The following LRP1B variants were observed in gnomAD, a reference collection of about 807,000 sequenced individuals.
LRP1B encodes the protein LDL receptor related protein 1B.
LRP1B carries 217 observed loss-of-function variants against 556.6 expected under a neutral mutation model. The observed-to-expected ratio is 0.39, with a 90% CI of 0.35 to 0.44. The LOEUF is 0.44. Among genes scored for constraint, LRP1B ranks in the 20% least tolerant of loss-of-function variants. The pLI, the probability that LRP1B is intolerant of heterozygous loss-of-function variation, is 1.00. For missense variants in LRP1B, 5,053 were observed against 5,620.8 expected (o/e 0.90, Z 3.23); for synonymous variants, 2,047 against 1,865.8 (o/e 1.10, Z -2.50).
chr2:141,070,735 A>T (rs1050835993), intron 7 of LRP1B, among the ~76,000 whole-genome samples: 11 of 152,150 alleles, frequency 7.2e-5, no homozygotes, highest in African/African-American at 2.7e-4. Flanking sequence ...ACCTCTACGC[A>T]AATAAACTAG....
Position 140,668,309 on chromosome 2 carries a change from CAAAAAAAAAAAAAAAAAAAAAAAAAAAA to C in LRP1B, c.6799+31913_6799+31940del, listed in dbSNP as rs560180473. On this transcript the variant is annotated intron_variant, in intron 41 of 90. Transcript: ENST00000389484. ...TGGGTGACAGAGCGAGACTCCGTCT[CAAAAAAAAAAAAAAAAAAAAAAAAAAAA>C]AAAAAAAAAAGAATATTTAGGGTCA... Among the ~76,000 whole-genome samples, 2 of 59,648 alleles carry C rather than the reference CAAAAAAAAAAAAAAAAAAAAAAAAAAAA, an allele frequency of 3.4e-5. 1 individual carries two copies. The highest frequency in any genetic ancestry group is 1.2e-3 in the East Asian group (2 of 1,710). The allele number at this position is 59,648 out of a possible 152,430, so 39.1% of individuals were successfully genotyped here.
chr2:140,659,580 T>A (rs575351815), intron 41 of LRP1B, among the ~76,000 whole-genome samples: 21 of 152,134 alleles, frequency 1.4e-4, no homozygotes, highest in Non-Finnish European at 2.4e-4. Flanking sequence ...AACACAGATA[T>A]GTGCTACATA....
At chr2:140,783,727 G>A (rs13429001) in intron 32 of LRP1B, among the ~76,000 whole-genome samples, 9,501 of 152,124 alleles carry the variant, frequency 0.062, 748 homozygotes, top group African/African-American at 0.17. Flanking sequence ...TTGAAAATAG[G>A]AGGATTGCTT....
chr2:141,875,170 A>G (rs1698713893), intron 1 of LRP1B, among the ~76,000 whole-genome samples: 1 of 151,672 alleles, frequency 6.6e-6, no homozygotes, highest in Non-Finnish European at 1.5e-5. Context: ...ATGATGATAT[A>G]TATGACACAT....
chr2:142,082,070 T>C (rs1705739080), intron 1 of LRP1B, among the ~76,000 whole-genome samples: 1 of 152,220 alleles, frequency 6.6e-6, no homozygotes, highest in African/African-American at 2.4e-5. Context: ...ATAAACTTTT[T>C]TTCCACCACT....
At chr2:142,025,999 T>C (rs564306421) in intron 1 of LRP1B, among the ~76,000 whole-genome samples, 3 of 152,174 alleles carry the variant, frequency 2.0e-5, no homozygotes, top group African/African-American at 7.2e-5. Flanking sequence ...GCTATTACAA[T>C]GGTAAGAAGA....
intron 3 of LRP1B, among the ~76,000 whole-genome samples, chr2:141,435,888 G>T (rs976594885): frequency 6.6e-6 from 1 of 152,168 alleles, no homozygotes; most frequent in African/African-American, 2.4e-5. Flanking sequence ...GGTGGGAGGA[G>T]AAACACTGGC....
chr2:141,324,013 A>C (rs1034669000), intron 3 of LRP1B, among the ~76,000 whole-genome samples: 1 of 135,918 alleles, frequency 7.4e-6, no homozygotes, highest in East Asian at 2.1e-4. Context: ...ACACACACAC[A>C]CCTGAACAAG....
intron 20 of LRP1B, among the ~76,000 whole-genome samples, chr2:140,923,560 C>T (rs1694804629): frequency 6.6e-6 from 1 of 152,012 alleles, no homozygotes; most frequent in Non-Finnish European, 1.5e-5. Flanking sequence ...ATTCTCTTAT[C>T]TTTCTCTGGG....
chr2:142,050,565 A>C (rs919025817), intron 1 of LRP1B, among the ~76,000 whole-genome samples: 3 of 152,178 alleles, frequency 2.0e-5, no homozygotes, highest in African/African-American at 7.2e-5. Flanking sequence ...CCTCTGTGCC[A>C]ATATAAAATG....
chr2:140,237,312 C>A lies in LRP1B; in HGVS notation c.13560+840G>T, dbSNP rs562224847. On this transcript the variant is annotated intron_variant, in intron 89 of 90. Coordinates refer to ENST00000389484, the MANE Select transcript of LRP1B (RefSeq NM_018557.3). The stretch of plus-strand genomic sequence containing the variant: ...TTTCATATATGACAATATCATCCAG[C>A]TTTATCCATGTTGCCTCAAATGACA... 5.3e-5 allele frequency among the ~76,000 whole-genome samples: 8 copies of A among 150,990 alleles called. No individual in the cohort carries two copies. In the Admixed American group the frequency reaches 5.3e-4, roughly 10 times the overall value.
chr2:140,420,409 A>G (rs770249619), intron 66 of LRP1B, among the ~76,000 whole-genome samples: 4 of 152,164 alleles, frequency 2.6e-5, no homozygotes, highest in African/African-American at 7.2e-5. Flanking sequence ...AGGAATTGCA[A>G]TTCTCAAATA....
At chr2:140,251,089 TATA>T (rs1188810623) in intron 86 of LRP1B, among the ~76,000 whole-genome samples, 1 of 151,782 alleles carries the variant, frequency 6.6e-6, no homozygotes, top group Non-Finnish European at 1.5e-5. Flanking sequence ...ATTGTATAGC[TATA>T]ATGTTTTGTT....
intron 83 of LRP1B, among the ~76,000 whole-genome samples, chr2:140,298,761 T>G (rs1573752684): frequency 1.3e-5 from 2 of 152,136 alleles, no homozygotes; most frequent in South Asian, 4.1e-4. Flanking sequence ...ATAACACAGT[T>G]AACTCTTGTA....
At chr2:142,016,201 G>A (rs1451566330) in intron 1 of LRP1B, among the ~76,000 whole-genome samples, 1 of 152,068 alleles carries the variant, frequency 6.6e-6, no homozygotes, top group Non-Finnish European at 1.5e-5. Flanking sequence ...AGGATGTGGA[G>A]AAATAGGAAC....
intron 2 of LRP1B, among the ~76,000 whole-genome samples, chr2:141,558,425 T>C (rs1356958349): frequency 6.6e-6 from 1 of 151,720 alleles, no homozygotes; most frequent in African/African-American, 2.4e-5. Context: ...AATTGGAGTA[T>C]CATGACCCTA....
intron 41 of LRP1B, among the ~76,000 whole-genome samples, chr2:140,672,210 G>C (rs993738217): frequency 6.6e-6 from 1 of 152,052 alleles, no homozygotes; most frequent in Non-Finnish European, 1.5e-5. Context: ...TCACCAGGCT[G>C]GGCTCAGTGG....
chr2:140,691,976 T>C (rs1686259416), intron 41 of LRP1B, among the ~76,000 whole-genome samples: 1 of 152,088 alleles, frequency 6.6e-6, no homozygotes, highest in African/African-American at 2.4e-5. Context: ...CTCAATACCA[T>C]TTCTTTTTTT....
intron 2 of LRP1B, among the ~76,000 whole-genome samples, chr2:141,679,153 G>A (rs903292048): frequency 3.3e-5 from 5 of 152,054 alleles, no homozygotes; most frequent in Non-Finnish European, 7.4e-5. Context: ...CGGTATAACA[G>A]GCATTAGAGA....
Sources: gnomAD v4.1 joint callset for allele counts (sites outside exome capture counted in the v4.1 genomes callset) on GRCh38, gnomAD v4.1.1 for gene constraint, MANE v1.5 for transcripts, NCBI Gene and HGNC (gene_info 2026-07-23, HGNC 2026-07-21) for gene names.